PDE10A: variants seen among roughly 807,000 people sequenced by gnomAD.
PDE10A encodes the protein phosphodiesterase 10A, also known as cAMP and cAMP-inhibited cGMP 3',5'-cyclic phosphodiesterase 10A.
A neutral mutation model predicts 97.7 loss-of-function variants in PDE10A; 39 were observed. That is an observed-to-expected ratio of 0.40 (90% CI 0.31 to 0.52). PDE10A has a LOEUF of 0.52. Ranked by LOEUF, PDE10A falls within the 20% of genes least tolerant of loss-of-function variation. PDE10A has a pLI of 0.56. For synonymous variants in PDE10A, 371 were observed against 376.8 expected, an observed-to-expected ratio of 0.98 and a Z score of 0.18; for missense variants, 731 against 1,047.8, an observed-to-expected ratio of 0.70 and a Z score of 4.17.
At position 165,711,204 on chromosome 6, in the gene PDE10A, A is replaced by G. The variant is rs142699306; in HGVS notation, c.-614-167636T>C. The stretch of plus-strand genomic sequence containing the variant: ...GTTAGCAGTAAGTTCTACTAAATAC[A>G]CCGTTAGAGTTGGGAGCAGGGCTCT... On this transcript the variant is annotated intron_variant, in intron 1 of 19. Transcript: ENST00000366882. The surrounding 1 kb of genome is among the most constrained non-coding windows in gnomAD (Gnocchi z 4.5). Among the ~76,000 whole-genome samples the G allele has an allele frequency of 0.01, 1,533 of 152,222 alleles. 26 individuals are homozygous for G. Among genetic ancestry groups the G allele is most frequent in the African/African-American group, 0.035 (1,439 of 41,528 alleles).
At chr6:165,639,702 G>A in intron 1 of PDE10A, among the ~76,000 whole-genome samples, 1 of 138,282 alleles carries the variant, frequency 7.2e-6, no homozygotes, top group Non-Finnish European at 1.5e-5. Context: ...TTGCACCATT[G>A]CACTCCAGCC....
chr6:165,878,143 C>T (rs1359052801), intron 1 of PDE10A, among the ~76,000 whole-genome samples: 1 of 152,118 alleles, frequency 6.6e-6, no homozygotes, highest in African/African-American at 2.4e-5. Flanking sequence ...ACACCAATGC[C>T]CTGTTTACTA....
chr6:165,525,239 G>T (rs1461938544), intron 2 of PDE10A, among the ~76,000 whole-genome samples: 1 of 152,122 alleles, frequency 6.6e-6, no homozygotes, highest in African/African-American at 2.4e-5. Flanking sequence ...ACAGGCATGG[G>T]AATGGATATT....
chr6:165,350,120 C>G (rs1220392201), intron 18 of PDE10A, among the ~76,000 whole-genome samples: 2 of 152,184 alleles, frequency 1.3e-5, no homozygotes, highest in Non-Finnish European at 2.9e-5. Flanking sequence ...AATGGCAGAT[C>G]CACCTACAGC....
At chr6:165,510,094 T>C (rs952614171) in intron 2 of PDE10A, among the ~76,000 whole-genome samples, 1 of 152,014 alleles carries the variant, frequency 6.6e-6, no homozygotes, top group African/African-American at 2.4e-5. Flanking sequence ...GCTCTCTGGC[T>C]AAGACATTCA....
chr6:165,923,546 C>T (rs1344907536), intron 1 of PDE10A, among the ~76,000 whole-genome samples: 1 of 152,288 alleles, frequency 6.6e-6, no homozygotes, highest in African/African-American at 2.4e-5. Context: ...CTGTGGCAGC[C>T]AGAGAAGGCT....
intron 2 of PDE10A, among the ~76,000 whole-genome samples, chr6:165,485,069 T>C (rs1393929550): frequency 6.6e-6 from 1 of 152,074 alleles, no homozygotes; most frequent in East Asian, 1.9e-4. Context: ...TTGCAACAGG[T>C]GATGCACATT....
intron 5 of PDE10A, among the ~76,000 whole-genome samples, chr6:165,441,496 G>C (rs1790466356): frequency 6.6e-6 from 1 of 152,184 alleles, no homozygotes; most frequent in African/African-American, 2.4e-5. Context: ...TTAAGGTTTA[G>C]AAAGTTTAAG....
intron 1 of PDE10A, among the ~76,000 whole-genome samples, chr6:165,577,800 G>A (rs57740624): frequency 0.11 from 16,496 of 152,150 alleles, 1,491 homozygotes; most frequent in African/African-American, 0.25. Context: ...CCCTAGAAAC[G>A]CCATCCGCCC....
At position 165,797,993 on chromosome 6, in the gene PDE10A, T is replaced by C. The variant is rs182022153; in HGVS notation, c.-615+189536A>G. On this transcript the variant is annotated intron_variant, in intron 1 of 19. Coordinates refer to the PDE10A transcript ENST00000366882. ...GGCTAATTCAGGTCACTTTCTAAGT[T>C]AAAGGTTTATAAAGTTAGTAATTTT... Among the ~76,000 whole-genome samples the C allele has an allele frequency of 4.3e-3, 662 of 152,346 alleles. 3 individuals are homozygous for C. Among genetic ancestry groups the C allele is most frequent in the Non-Finnish European group, 6.2e-3 (419 of 68,034 alleles).
chr6:165,406,521 T>C (rs1424503972), intron 13 of PDE10A, among the ~76,000 whole-genome samples: 1 of 152,142 alleles, frequency 6.6e-6, no homozygotes, highest in Non-Finnish European at 1.5e-5. Context: ...ATCCTTGCTC[T>C]ACCATCTATA....
At chr6:165,617,675 T>G (rs1427332127) in intron 1 of PDE10A, among the ~76,000 whole-genome samples, 1 of 152,112 alleles carries the variant, frequency 6.6e-6, no homozygotes, top group Non-Finnish European at 1.5e-5. Context: ...ACGTGGGACT[T>G]GTGGTGCCAA....
chr6:165,422,335 A>G (rs1177948455), intron 10 of PDE10A, among the ~76,000 whole-genome samples: 1 of 113,402 alleles, frequency 8.8e-6, no homozygotes, highest in East Asian at 2.6e-4. Flanking sequence ...ACACAGGCAT[A>G]CACACACACA....
upstream of PDE10A, among the ~76,000 whole-genome samples, chr6:165,663,682 TCC>T (rs1260064182): frequency 1.3e-5 from 2 of 152,194 alleles, no homozygotes; most frequent in African/African-American, 2.4e-5. Flanking sequence ...TCCCCAGGAC[TCC>T]CTTTCGCATA....
At chr6:165,777,683 T>TC (rs1380769414) in intron 1 of PDE10A, among the ~76,000 whole-genome samples, 2 of 144,842 alleles carry the variant, frequency 1.4e-5, no homozygotes, top group Non-Finnish European at 3.0e-5. Context: ...GCGGCTGATC[T>TC]CCCCCAGGGT....
chr6:165,588,281 CTTTTTTT>C (rs1216263426), intron 1 of PDE10A, among the ~76,000 whole-genome samples: 83 of 37,048 alleles, frequency 2.2e-3, no homozygotes, highest in Non-Finnish European at 4.3e-3. Context: ...ATTTTTTTTT[CTTTTTTT>C]TTTTTTTTTT....
chr6:165,870,525 C>T lies in PDE10A; in HGVS notation c.-615+117004G>A, dbSNP rs147810228. Among the ~76,000 whole-genome samples, 585 of 152,166 alleles carry T rather than the reference C, an allele frequency of 3.8e-3. 2 individuals are homozygous for T. The highest frequency in any genetic ancestry group is 7.0e-3 in the Non-Finnish European group (474 of 67,996). ...TTAGTAGGAATGCAAATTAGTACAA[C>T]CATATAGAAAACAATATGAAAGTTC... On this transcript the variant is annotated intron_variant, in intron 1 of 19. Coordinates refer to the PDE10A transcript ENST00000366882.
chr6:165,698,639 C>G (rs907156374), intron 1 of PDE10A, among the ~76,000 whole-genome samples: 1 of 152,180 alleles, frequency 6.6e-6, no homozygotes, highest in Non-Finnish European at 1.5e-5. Context: ...CACCTGAGGT[C>G]AGCAGTTCAA....
chr6:165,556,711 C>T (rs1181672208), intron 1 of PDE10A, among the ~76,000 whole-genome samples: 1 of 152,144 alleles, frequency 6.6e-6, no homozygotes, highest in Non-Finnish European at 1.5e-5. Flanking sequence ...TGTGGACAAG[C>T]ATATCGGCTA....
Sources: gnomAD v4.1 joint callset for allele counts (sites outside exome capture counted in the v4.1 genomes callset) on GRCh38, gnomAD v4.1.1 for gene constraint, Gnocchi (gnomAD v3.1) non-coding constraint, MANE v1.5 for transcripts, NCBI Gene and HGNC (gene_info 2026-07-23, HGNC 2026-07-21) for gene names.